CHST11: variants seen among roughly 807,000 people sequenced by gnomAD.
CHST11 encodes the protein C4S-1.
In CHST11, 9 loss-of-function variants were observed where a neutral mutation model predicts 30.4. The ratio of observed to expected loss-of-function variants is 0.30; its 90% CI spans 0.18 to 0.52. CHST11 has a LOEUF of 0.52. CHST11 is among the 20% of genes least tolerant of loss of function. The pLI is 0.97. For missense variants in CHST11, 348 were observed against 460.6 expected (o/e 0.76, Z 2.24); for synonymous variants, 152 against 187.8 (o/e 0.81, Z 1.56).
At position 104,609,843 on chromosome 12, in the gene CHST11, G is replaced by A. The variant is rs114468663; in HGVS notation, c.204+7852G>A. On this transcript the variant is annotated intron_variant, in intron 2 of 2. Coordinates refer to ENST00000303694, the MANE Select transcript of CHST11 (RefSeq NM_018413.6). ...GGGGTCTGGGCCCTTGCTGTGCTCT[G>A]TAATATAGGCTCAGACATTTTGCAC... Among the ~76,000 whole-genome samples, 865 of 152,274 alleles carry A rather than the reference G, an allele frequency of 5.7e-3. 13 individuals are homozygous for A. The highest frequency in any genetic ancestry group is 0.02 in the African/African-American group (812 of 41,542).
chr12:104,702,065 T>A (rs1306602520), intron 2 of CHST11, among the ~76,000 whole-genome samples: 3 of 152,138 alleles, frequency 2.0e-5, no homozygotes, highest in African/African-American at 7.2e-5. Context: ...CATCTTTTAT[T>A]CATTCGAGAA....
At chr12:104,578,519 T>C (rs768483595) in intron 1 of CHST11, among the ~76,000 whole-genome samples, 14 of 152,120 alleles carry the variant, frequency 9.2e-5, no homozygotes, top group Non-Finnish European at 1.6e-4. Flanking sequence ...CTGCCTCTAT[T>C]GTGATGAGAG....
At chr12:104,736,880 AT>A (rs2040305639) in intron 2 of CHST11, among the ~76,000 whole-genome samples, 1 of 152,200 alleles carries the variant, frequency 6.6e-6, no homozygotes, top group African/African-American at 2.4e-5. Context: ...CATAGGAGAA[AT>A]GCATCCTTCT....
At chr12:104,465,153 G>A (rs2037445745) in intron 1 of CHST11, among the ~76,000 whole-genome samples, 1 of 152,198 alleles carries the variant, frequency 6.6e-6, no homozygotes, top group African/African-American at 2.4e-5. Flanking sequence ...CATAACCTCA[G>A]TAAGTGATGA....
chr12:104,682,489 C>T (rs1316755152), intron 2 of CHST11, among the ~76,000 whole-genome samples: 1 of 152,218 alleles, frequency 6.6e-6, no homozygotes, highest in Admixed American at 6.5e-5. Flanking sequence ...TCCTTGGTGA[C>T]AAGCAAACCC....
At chr12:104,675,887 G>GAGGA (rs1168518700) in intron 2 of CHST11, among the ~76,000 whole-genome samples, 1 of 152,174 alleles carries the variant, frequency 6.6e-6, no homozygotes, top group Non-Finnish European at 1.5e-5. Context: ...TTTTGTGGAT[G>GAGGA]AGGAATTTGT....
intron 2 of CHST11, among the ~76,000 whole-genome samples, chr12:104,717,978 ATAAAAG>A (rs2040144706): frequency 6.6e-6 from 1 of 152,206 alleles, no homozygotes; most frequent in African/African-American, 2.4e-5. Flanking sequence ...AAATTAATAA[ATAAAAG>A]TAAAAGACAA....
chr12:104,701,822 G>T (rs1459548525), intron 2 of CHST11, among the ~76,000 whole-genome samples: 8 of 152,218 alleles, frequency 5.3e-5, no homozygotes, highest in Admixed American at 5.2e-4. Context: ...AGCAGGGAAG[G>T]TGCAGCCTGA....
At chr12:104,642,423 C>G (rs1346253715) in intron 2 of CHST11, among the ~76,000 whole-genome samples, 9 of 152,098 alleles carry the variant, frequency 5.9e-5, no homozygotes, top group Non-Finnish European at 1.2e-4. Context: ...AATTTTGAGA[C>G]AAGGTCTTGC....
intron 2 of CHST11, among the ~76,000 whole-genome samples, chr12:104,610,041 C>CTGTG (rs1491162351): frequency 2.1e-3 from 254 of 120,526 alleles, no homozygotes; most frequent in African/African-American, 8.3e-3. Context: ...CCATGAGTGC[C>CTGTG]TCTGTGTGTG....
intron 1 of CHST11, among the ~76,000 whole-genome samples, chr12:104,568,296 C>T (rs2038588371): frequency 6.6e-6 from 1 of 152,190 alleles, no homozygotes; most frequent in Admixed American, 6.5e-5. Flanking sequence ...GCTACCGTTG[C>T]CATGGAGCAG....
chr12:104,636,275 C>G (rs1367104901), intron 2 of CHST11, among the ~76,000 whole-genome samples: 1 of 152,212 alleles, frequency 6.6e-6, no homozygotes, highest in African/African-American at 2.4e-5. Flanking sequence ...CCTGGCCAGA[C>G]TGGGTTCCTC....
chr12:104,565,258 ATTTTTTT>A (rs66825272), intron 1 of CHST11, among the ~76,000 whole-genome samples: 16 of 72,930 alleles, frequency 2.2e-4, no homozygotes, highest in South Asian at 1.1e-3. Context: ...GTTTTCTAGG[ATTTTTTT>A]TTTTTTTTTT....
intron 1 of CHST11, among the ~76,000 whole-genome samples, chr12:104,513,138 T>TGG (rs1565969843): frequency 6.0e-3 from 20 of 3,326 alleles, no homozygotes; most frequent in Admixed American, 7.2e-3. Flanking sequence ...GGGGGGGGGG[T>TGG]TGGGGGTGGG....
chr12:104,581,745 A>G (rs966574703), intron 1 of CHST11, among the ~76,000 whole-genome samples: 7 of 152,088 alleles, frequency 4.6e-5, no homozygotes, highest in Non-Finnish European at 5.9e-5. Context: ...GCTCGGGCAC[A>G]GGTGGTCTCA....
At chr12:104,702,687 A>G (rs972521503) in intron 2 of CHST11, among the ~76,000 whole-genome samples, 1 of 152,024 alleles carries the variant, frequency 6.6e-6, no homozygotes, top group African/African-American at 2.4e-5. Context: ...CCATTCTCTC[A>G]GCTCCTTCCC....
intron 1 of CHST11, among the ~76,000 whole-genome samples, chr12:104,597,531 A>G (rs1338785949): frequency 6.6e-6 from 1 of 152,236 alleles, no homozygotes; most frequent in Non-Finnish European, 1.5e-5. Flanking sequence ...TTATATAGCA[A>G]GAACCAAACC....
intron 1 of CHST11, among the ~76,000 whole-genome samples, chr12:104,487,296 C>A (rs983061211): frequency 6.6e-6 from 1 of 152,218 alleles, no homozygotes; most frequent in African/African-American, 2.4e-5. Flanking sequence ...CAGGGTCTCA[C>A]TGTCTTCCAG....
intron 2 of CHST11, among the ~76,000 whole-genome samples, chr12:104,616,805 T>A (rs940753724): frequency 6.6e-6 from 1 of 152,124 alleles, no homozygotes; most frequent in Non-Finnish European, 1.5e-5. Context: ...TGCACAATCA[T>A]TAACTGGACA....
Sources: allele counts gnomAD v4.1 joint callset (sites outside exome capture counted in the v4.1 genomes callset), GRCh38; gene constraint gnomAD v4.1.1; transcripts MANE v1.5; gene names NCBI Gene and HGNC (gene_info 2026-07-23, HGNC 2026-07-21).